The following AKAP7 variants were observed in gnomAD, a reference collection of about 807,000 sequenced individuals.
The protein encoded by AKAP7 is A kinase (PRKA) anchor protein 7.
AKAP7 carries 39 observed loss-of-function variants against 39.5 expected under a neutral mutation model. That is an observed-to-expected ratio of 0.99 (90% CI 0.76 to 1.29). The LOEUF is 1.29. AKAP7 is among the 50% of genes most tolerant of loss of function. AKAP7 has a pLI of 0.00. For synonymous variants in AKAP7, 140 were observed against 139.1 expected (o/e 1.01, Z -0.05); for missense variants, 414 against 407.7 (o/e 1.02, Z -0.13).
chr6:131,219,429 A>G (rs1809507893), intron 6 of AKAP7, among the ~76,000 whole-genome samples: 2 of 152,182 alleles, frequency 1.3e-5, no homozygotes, highest in South Asian at 4.1e-4. Flanking sequence ...AAACTGCCAA[A>G]TTTAAACCTA....
At position 131,244,484 on chromosome 6, in the gene AKAP7, C is replaced by T. The variant is rs151013655; in HGVS notation, c.850+24676C>T. Among the ~76,000 whole-genome samples the T allele has an allele frequency of 1.1e-3, 165 of 152,322 alleles. 1 individual carries two copies. Among genetic ancestry groups the T allele is most frequent in the African/African-American group, 3.7e-3 (152 of 41,576 alleles). On this transcript the variant is annotated intron_variant, in intron 7 of 7. Coordinates refer to ENST00000431975, the MANE Select transcript of AKAP7 (RefSeq NM_016377.4). ...TGGGACTTGTCAGCCCATCTTTCAGCCTCCTACATCCAGTGCTCTCAGTGC... is the reference window on the plus strand; with the variant it reads ...TGGGACTTGTCAGCCCATCTTTCAGTCTCCTACATCCAGTGCTCTCAGTGC...
rs1812372004 is a variant in AKAP7, at chr6:131,250,629, T to C, written c.850+30821T>C. On this transcript the variant is annotated intron_variant, in intron 7 of 7. Transcript: ENST00000431975. ...GAAGGAAAAATCAGTAAGTGGGATT[T>C]GTACTGTGCAGAATCCTAAGTGCTT... is the stretch of plus-strand genomic sequence containing the variant. 4.3e-6 allele frequency: 7 copies of C among 1,613,362 alleles called. No individual in the cohort carries two copies. In the Admixed American group the frequency reaches 5.0e-5, roughly 12 times the overall value.
chr6:131,127,567 A>C, the AKAP7 span, among the ~76,000 whole-genome samples: 1 of 152,226 alleles, frequency 6.6e-6, no homozygotes, highest in African/African-American at 2.4e-5. Flanking sequence ...AAGGAAAATT[A>C]ATACATAAGA....
At chr6:131,223,770 A>G (rs1339863975) in intron 7 of AKAP7, among the ~76,000 whole-genome samples, 1 of 152,194 alleles carries the variant, frequency 6.6e-6, no homozygotes, top group African/African-American at 2.4e-5. Flanking sequence ...AAAATTAGGA[A>G]TATGTTGATA....
chr6:131,242,678 C>G (rs183528356), intron 7 of AKAP7, among the ~76,000 whole-genome samples: 2 of 152,174 alleles, frequency 1.3e-5, no homozygotes, highest in East Asian at 3.9e-4. Context: ...GGGCCTCAGG[C>G]CACATGGGCC....
At chr6:131,208,904 G>C (rs770925100) in intron 6 of AKAP7, among the ~76,000 whole-genome samples, 2 of 152,200 alleles carry the variant, frequency 1.3e-5, no homozygotes, top group African/African-American at 2.4e-5. Context: ...CTTTTGCTAA[G>C]AAGTGACACA....
intron 3 of AKAP7, among the ~76,000 whole-genome samples, chr6:131,161,409 C>G (rs1018053499): frequency 3.3e-5 from 5 of 151,924 alleles, no homozygotes; most frequent in African/African-American, 1.2e-4. Flanking sequence ...CTTTGGGAAG[C>G]TGAGGTGGAT....
Position 131,206,647 on chromosome 6 carries a change from G to C in AKAP7, c.702+7074G>C, listed in dbSNP as rs532109576. ...TTGTAATGGAAAGTTTCTATACTAGGTTGGTTGAATTCAGCCTTACTCTGC... is the reference window on the plus strand; with the variant it reads ...TTGTAATGGAAAGTTTCTATACTAGCTTGGTTGAATTCAGCCTTACTCTGC... On this transcript the variant is annotated intron_variant, in intron 6 of 7. Transcript: ENST00000431975. Among the ~76,000 whole-genome samples the C allele has an allele frequency of 1.1e-4, 16 of 152,262 alleles. No individual in the cohort carries two copies. The South Asian group carries it at 3.1e-3, about 30-fold the overall frequency.
chr6:131,137,166 C>T (rs541811931), intron 1 of AKAP7, among the ~76,000 whole-genome samples: 29 of 151,548 alleles, frequency 1.9e-4, no homozygotes, highest in Non-Finnish European at 4.0e-4. Context: ...CGGGGTCTTG[C>T]CATGTCACCA....
chr6:131,130,952 A>C (rs1452180782), upstream of AKAP7, among the ~76,000 whole-genome samples: 1 of 152,206 alleles, frequency 6.6e-6, no homozygotes. Context: ...GAAATTAAAA[A>C]ATTTTTAAAA....
intron 5 of AKAP7, chr6:131,184,956 C>T (rs766857325): frequency 4.3e-5 from 34 of 788,648 alleles, no homozygotes; most frequent in Middle Eastern, 4.7e-4. Flanking sequence ...CCCCTTTCCC[C>T]GATGCTTGGG....
chr6:131,214,623 C>T (rs1035907941), intron 6 of AKAP7, among the ~76,000 whole-genome samples: 6 of 152,132 alleles, frequency 3.9e-5, no homozygotes, highest in South Asian at 2.1e-4. Context: ...GTATAAGTAG[C>T]ATCTATGAAT....
At position 131,281,525 on chromosome 6, in the gene AKAP7, TGTAG is replaced by T. The variant is rs775849112; in HGVS notation, c.851-2_852del. On this transcript the variant is annotated splice_acceptor_variant and splice_polypyrimidine_tract_variant and intron_variant, in intron 7 of 7. Transcript: ENST00000431975. LOFTEE classifies it high-confidence loss of function. This position sits in a 1 kb window ranked among gnomAD's most constrained non-coding sequence, Gnocchi z 4.0. Reference sequence around the variant, plus strand: ...GTGACCTCTCTTCTCTATTGTGGAATGTAGGTGAAAAGAACGGAGGGGAGCCCGA... The same window carrying T: ...GTGACCTCTCTTCTCTATTGTGGAATGTGAAAAGAACGGAGGGGAGCCCGA... 1 of 1,599,642 alleles carries T rather than the reference TGTAG, an allele frequency of 6.3e-7. No homozygotes were observed. Among genetic ancestry groups the T allele is most frequent in the Non-Finnish European group, 8.5e-7 (1 of 1,172,944 alleles).
chr6:131,222,542 G>T (rs967946451), intron 7 of AKAP7, among the ~76,000 whole-genome samples: 1 of 151,876 alleles, frequency 6.6e-6, no homozygotes, highest in Non-Finnish European at 1.5e-5. Context: ...AAAGAAAAAA[G>T]AAAAGAAATA....
At chr6:131,246,094 A>AAT (rs57449798) in intron 7 of AKAP7, among the ~76,000 whole-genome samples, 4,867 of 143,806 alleles carry the variant, frequency 0.034, 91 homozygotes, top group African/African-American at 0.051. Flanking sequence ...CAGAAGTCCA[A>AAT]ATATATATAT....
rs1562238108 is a variant in AKAP7, at chr6:131,241,619, G to GTATATATACGTATATATATATATA, written c.850+21812_850+21813insATATATACGTATATATATATATAT. 9.9e-5 allele frequency among the ~76,000 whole-genome samples: 7 copies of GTATATATACGTATATATATATATA among 71,044 alleles called. No homozygotes were observed. In the South Asian group the frequency reaches 1.5e-3, roughly 16 times the overall value. The allele number at this position is 71,044 out of a possible 152,430, so 46.6% of individuals were successfully genotyped here. On this transcript the variant is annotated intron_variant, in intron 7 of 7. Transcript: ENST00000431975. ...TGTGTGTGTGTGTGTGTGTGTGTGT[G>GTATATATACGTATATATATATATA]TGTGTGTGTATATATATATGACAGT...
At chr6:131,130,454 G>A in the AKAP7 span, among the ~76,000 whole-genome samples, 573 of 152,224 alleles carry the variant, frequency 3.8e-3, 3 homozygotes, top group African/African-American at 4.9e-3. Context: ...GTGCCGCCAC[G>A]CCTGGCTAAT....
chr6:131,237,519 G>T (rs1454375830), intron 7 of AKAP7, among the ~76,000 whole-genome samples: 1 of 152,150 alleles, frequency 6.6e-6, no homozygotes, highest in Non-Finnish European at 1.5e-5. Flanking sequence ...GAATTCGGCT[G>T]TGAATCCATC....
intron 5 of AKAP7, among the ~76,000 whole-genome samples, chr6:131,179,547 G>T (rs909396252): frequency 6.6e-6 from 1 of 152,194 alleles, no homozygotes; most frequent in South Asian, 2.1e-4. Flanking sequence ...TGACTGTTTT[G>T]GTCACTAGTG....
Sources: gnomAD v4.1 joint callset for allele counts (sites outside exome capture counted in the v4.1 genomes callset) on GRCh38, gnomAD v4.1.1 for gene constraint, Gnocchi (gnomAD v3.1) non-coding constraint, MANE v1.5 for transcripts, NCBI Gene and HGNC (gene_info 2026-07-23, HGNC 2026-07-21) for gene names.